CCDC25: variants seen among roughly 807,000 people sequenced by gnomAD.
The protein encoded by CCDC25 is coiled-coil domain-containing protein 25.
Under a neutral mutation model 35.3 loss-of-function variants are expected in CCDC25, and 16 were observed. The ratio of observed to expected loss-of-function variants is 0.45; its 90% CI spans 0.31 to 0.69. CCDC25 has a LOEUF of 0.69. Among genes scored for constraint, CCDC25 ranks in the 30% least tolerant of loss-of-function variants. The pLI is 0.06. For synonymous variants in CCDC25, 79 were observed against 80.3 expected, an observed-to-expected ratio of 0.98 and a Z score of 0.09; for missense variants, 179 against 250.7, an observed-to-expected ratio of 0.71 and a Z score of 1.93.
At chr8:27,759,482 GC>G (rs1804137911) in intron 3 of CCDC25, among the ~76,000 whole-genome samples, 1 of 151,918 alleles carries the variant, frequency 6.6e-6, no homozygotes. Flanking sequence ...AGTGGCGGGA[GC>G]CTGTAGTCCC....
chr8:27,736,238 T>A lies in CCDC25; in HGVS notation c.605A>T (p.Asn202Ile). The A allele has an allele frequency of 6.2e-7, 1 of 1,607,954 alleles. No individual in the cohort carries two copies. The highest frequency in any genetic ancestry group is 1.1e-5 in the South Asian group (1 of 89,194). Residue 202 changes from asparagine (N) to isoleucine (I), a missense_variant, in exon 9 of 9, where the codon AAT (asparagine) becomes ATT (isoleucine). Physicochemically the swap from Asn to Ile is moderately radical, Grantham distance 149. Transcript: ENST00000356537. ...VENMSSNQDGNDSDEFM is the reference protein window; with the variant it reads ...VENMSSNQDGIDSDEFM ...CTTTTACATGAATTCATCTGAATCA[T>A]TGCCATCCTGTAGGAAACACAAAAA... is the stretch of plus-strand genomic sequence containing the variant.
At chr8:27,753,459 T>G (rs1374146893) in intron 4 of CCDC25, among the ~76,000 whole-genome samples, 2 of 152,078 alleles carry the variant, frequency 1.3e-5, no homozygotes, top group Non-Finnish European at 2.9e-5. Flanking sequence ...GCCTATAATC[T>G]CAGCACTTTG....
intron 7 of CCDC25, among the ~76,000 whole-genome samples, chr8:27,743,132 CT>C (rs1563444196): frequency 6.6e-6 from 1 of 152,294 alleles, no homozygotes; most frequent in East Asian, 1.9e-4. Flanking sequence ...TCTTAGCCCC[CT>C]TTTCCCTGCC....
At chr8:27,747,481 G>C (rs911046393) in intron 7 of CCDC25, among the ~76,000 whole-genome samples, 1 of 152,172 alleles carries the variant, frequency 6.6e-6, no homozygotes, top group African/African-American at 2.4e-5. Flanking sequence ...GTTGTTTTAA[G>C]CTACTACATT....
At chr8:27,759,871 G>A (rs1047035988) in intron 3 of CCDC25, among the ~76,000 whole-genome samples, 7 of 151,756 alleles carry the variant, frequency 4.6e-5, no homozygotes, top group Admixed American at 6.6e-5. Flanking sequence ...GAGGTTTTCC[G>A]GGATAAATCC....
At chr8:27,763,596 T>C (rs1804299584) in intron 2 of CCDC25, among the ~76,000 whole-genome samples, 1 of 152,092 alleles carries the variant, frequency 6.6e-6, no homozygotes, top group Non-Finnish European at 1.5e-5. Flanking sequence ...CACGTGCCTG[T>C]AGCCCCAGCC....
At chr8:27,761,826 T>C (rs1417466019) in intron 3 of CCDC25, among the ~76,000 whole-genome samples, 1 of 152,204 alleles carries the variant, frequency 6.6e-6, no homozygotes, top group African/African-American at 2.4e-5. Flanking sequence ...TTTTGTTTGT[T>C]TGGTATTCTT....
chr8:27,740,539 C>CA, intron 7 of CCDC25, 22 bp from the exon 8 acceptor site: 1 of 1,599,732 alleles, frequency 6.3e-7, no homozygotes, highest in Non-Finnish European at 8.6e-7. Flanking sequence ...AAAACACACA[C>CA]ACACATTTAA....
rs549862136 is a variant in CCDC25, at chr8:27,760,333, G to T, written c.116+2086C>A. On this transcript the variant is annotated intron_variant, in intron 3 of 8. Transcript: ENST00000356537. The stretch of plus-strand genomic sequence containing the variant: ...CTGATTATGTAACCTTCTCTATGCA[G>T]GTTTTTATGCCTCAAACCTGATAGG... Among the ~76,000 whole-genome samples the T allele has an allele frequency of 1.9e-4, 29 of 152,286 alleles. No homozygotes were observed. The South Asian group carries it at 5.8e-3, about 30-fold the overall frequency.
intron 2 of CCDC25, chr8:27,764,245 C>T (rs1019119423): frequency 1.2e-5 from 2 of 160,252 alleles, no homozygotes; most frequent in African/African-American, 4.8e-5. Context: ...TCTAAGAGTT[C>T]CCAGGGAAAA....
At chr8:27,768,466 G>A (rs541976328) in intron 1 of CCDC25, among the ~76,000 whole-genome samples, 383 of 150,602 alleles carry the variant, frequency 2.5e-3, no homozygotes, top group Non-Finnish European at 4.3e-3. Context: ...TAAGGAGGCT[G>A]AGGCAAGAGA....
intron 1 of CCDC25, among the ~76,000 whole-genome samples, chr8:27,766,819 C>A (rs1804416041): frequency 6.6e-6 from 1 of 151,832 alleles, no homozygotes; most frequent in Non-Finnish European, 1.5e-5. Context: ...TACCATGTAC[C>A]CATTAAAAAG....
At chr8:27,741,362 C>A (rs1803431007) in intron 7 of CCDC25, among the ~76,000 whole-genome samples, 1 of 152,126 alleles carries the variant, frequency 6.6e-6, no homozygotes, top group South Asian at 2.1e-4. Context: ...ACTTATTCAT[C>A]AATAACTATG....
Position 27,733,798 on chromosome 8 carries a change from C to G in CCDC25, c.*2418G>C, listed in dbSNP as rs543434837. On this transcript the variant is annotated 3_prime_UTR_variant, in exon 9 of 9. Coordinates refer to ENST00000356537, the MANE Select transcript of CCDC25 (RefSeq NM_018246.3). ...AATTGTTCCTTTTCCATTTTGCCAC[C>G]CTGCTCAGTTTTCCTCATAAACGGT... The G allele has an allele frequency of 6.6e-6, 1 of 152,258 alleles. No homozygotes were observed. Among genetic ancestry groups the G allele is most frequent in the Admixed American group, 6.5e-5 (1 of 15,286 alleles). 9.4% of individuals were successfully genotyped at this position (152,258 alleles called of 1,614,324 possible). A position where few individuals can be genotyped will look rare whatever the true frequency, so the allele number is the denominator to read the frequency against.
chr8:27,738,110 G>T (rs11775492), intron 8 of CCDC25, among the ~76,000 whole-genome samples: 6 of 151,858 alleles, frequency 4.0e-5, no homozygotes, highest in East Asian at 3.9e-4. Context: ...TGGGGACTTA[G>T]GGGGAAGAGT....
At chr8:27,752,704 C>A in intron 4 of CCDC25, 117 bp from the exon 5 acceptor site, 1 of 669,262 alleles carries the variant, frequency 1.5e-6, no homozygotes, top group East Asian at 2.9e-5. Flanking sequence ...AGCAGAGGTT[C>A]TTCAACTGTT....
Position 27,737,249 on chromosome 8 carries a change from G to A in CCDC25, c.598-1004C>T, listed in dbSNP as rs77125343. Among the ~76,000 whole-genome samples the A allele has an allele frequency of 0.012, 1,783 of 152,240 alleles. 48 individuals are homozygous for A. Among genetic ancestry groups the A allele is most frequent in the African/African-American group, 0.041 (1,696 of 41,526 alleles). On this transcript the variant is annotated intron_variant, in intron 8 of 8. Transcript: ENST00000356537. This position sits in a 1 kb window ranked among gnomAD's most constrained non-coding sequence, Gnocchi z 4.6. ...ACTAATGATTGTGTTATATCCAGGCGCAAAGACTATGATTGCCCCAGAGTC... is the reference window on the plus strand; with the variant it reads ...ACTAATGATTGTGTTATATCCAGGCACAAAGACTATGATTGCCCCAGAGTC...
intron 3 of CCDC25, 33 bp from the exon 4 acceptor site, chr8:27,756,803 G>A: frequency 2.0e-6 from 3 of 1,534,342 alleles, no homozygotes; most frequent in Admixed American, 1.7e-5. Flanking sequence ...TTAGCAAGAG[G>A]TACAAGACAA....
intron 1 of CCDC25, chr8:27,772,128 T>G: frequency 7.9e-6 from 2 of 252,526 alleles, no homozygotes; most frequent in Non-Finnish European, 1.5e-5. Context: ...TCACAGGGGA[T>G]AATTACAAGG....
Sources: allele counts gnomAD v4.1 joint callset (sites outside exome capture counted in the v4.1 genomes callset), GRCh38; gene constraint gnomAD v4.1.1; non-coding constraint Gnocchi (gnomAD v3.1); transcripts MANE v1.5; gene names NCBI Gene and HGNC (gene_info 2026-07-23, HGNC 2026-07-21).